The following ZBTB46 variants were observed in gnomAD, a reference collection of about 807,000 sequenced individuals.
The protein encoded by ZBTB46 is zinc finger and BTB domain containing 46.
In ZBTB46, 8 loss-of-function variants were observed where a neutral mutation model predicts 44.1. The observed-to-expected ratio is 0.18, with a 90% confidence interval of 0.11 to 0.33. ZBTB46 has a LOEUF of 0.33. ZBTB46 is among the 10% of genes least tolerant of loss of function. The probability of loss-of-function intolerance (pLI) is 1.00; values close to 1 mark genes in which losing one functional copy is unlikely to be tolerated. For missense variants in ZBTB46, 651 were observed against 847.7 expected (o/e 0.77, Z 2.88); for synonymous variants, 409 against 382.3 (o/e 1.07, Z -0.81).
At chr20:63,766,422 G>C (rs1052063034) in intron 3 of ZBTB46, among the ~76,000 whole-genome samples, 10 of 151,294 alleles carry the variant, frequency 6.6e-5, no homozygotes, top group African/African-American at 2.4e-4. Flanking sequence ...CGCCATGTTG[G>C]CCAGGCTGGT....
At chr20:63,808,351 G>A (rs2092695550) in intron 1 of ZBTB46, among the ~76,000 whole-genome samples, 1 of 152,210 alleles carries the variant, frequency 6.6e-6, no homozygotes, top group African/African-American at 2.4e-5. Context: ...CTGAGCGCAG[G>A]GGAGGGCCCG....
At position 63,744,531 on chromosome 20, in the gene ZBTB46, C is replaced by CG. The variant is rs2092069958; in HGVS notation, c.*2398_*2399insC. The CG allele has an allele frequency of 6.6e-6, 1 of 152,162 alleles. No individual in the cohort carries two copies. 9.4% of individuals were successfully genotyped at this position (152,162 alleles called of 1,614,324 possible). On this transcript the variant is annotated 3_prime_UTR_variant, in exon 5 of 5. Transcript: ENST00000245663. ...ATGTAATCTACACATTTTTCCTCTT[C>CG]ATAAAAAAATATTTATTAGTTTGAA...
At chr20:63,786,738 C>T (rs1404310339) in intron 2 of ZBTB46, among the ~76,000 whole-genome samples, 1 of 152,134 alleles carries the variant, frequency 6.6e-6, no homozygotes, top group East Asian at 1.9e-4. Context: ...TCTCGATCTC[C>T]TGACCTTGTG....
chr20:63,803,628 C>T lies in ZBTB46; in HGVS notation c.-33-12838G>A. ...GCCCCGCCCCTCCCTGCCCACTGGC[C>T]CCTTTCAGTTCCTTCATCTCCAGCC... On this transcript the variant is annotated intron_variant, in intron 1 of 4. Transcript: ENST00000245663. This position sits in a 1 kb window ranked among gnomAD's most constrained non-coding sequence, Gnocchi z 4.0. 2 of 602,434 alleles carry T rather than the reference C, an allele frequency of 3.3e-6. No homozygotes were observed. The highest frequency in any genetic ancestry group is 4.2e-6 in the Non-Finnish European group (2 of 480,266). The allele number at this position is 602,434 out of a possible 1,614,324, so 37.3% of individuals were successfully genotyped here. A position where few individuals can be genotyped will look rare whatever the true frequency, so the allele number is the denominator to read the frequency against.
chr20:63,815,944 ACAGTGGGCACAGGTG>A (rs1245756065), intron 1 of ZBTB46, among the ~76,000 whole-genome samples: 19 of 93,392 alleles, frequency 2.0e-4, no homozygotes, highest in Non-Finnish European at 1.6e-4. Flanking sequence ...GGGTGCAGGT[ACAGTGGGCACAGGTG>A]CAGTGGGTGC....
chr20:63,823,415 T>C (rs1414476593), intron 1 of ZBTB46, among the ~76,000 whole-genome samples: 1 of 151,434 alleles, frequency 6.6e-6, no homozygotes, highest in Non-Finnish European at 1.5e-5. Flanking sequence ...CAAGAATCAC[T>C]TGAGCCCAGG....
Position 63,787,039 on chromosome 20 carries a change from T to C in ZBTB46, c.937+2782A>G, listed in dbSNP as rs937852708. ...AGATGAGAATGAATAAAATCTACAT[T>C]GTGTCAAAGTAGAACAGCATTTACC... On this transcript the variant is annotated intron_variant, in intron 2 of 4. Transcript: ENST00000245663. This position sits in a 1 kb window ranked among gnomAD's most constrained non-coding sequence, Gnocchi z 4.6. Among the ~76,000 whole-genome samples the C allele has an allele frequency of 1.3e-5, 2 of 152,098 alleles. No homozygotes were observed. The highest frequency in any genetic ancestry group is 2.9e-5 in the Non-Finnish European group (2 of 68,016).
intron 3 of ZBTB46, among the ~76,000 whole-genome samples, chr20:63,753,286 G>C (rs966580770): frequency 6.6e-6 from 1 of 152,174 alleles, no homozygotes; most frequent in Admixed American, 6.5e-5. Flanking sequence ...AGGCAGAGAA[G>C]AAACAAACAC....
At chr20:63,810,889 T>C (rs2092713824) in intron 1 of ZBTB46, among the ~76,000 whole-genome samples, 1 of 152,196 alleles carries the variant, frequency 6.6e-6, no homozygotes, top group African/African-American at 2.4e-5. Flanking sequence ...CGTTTCTCTT[T>C]CCTCACTCCT....
At chr20:63,815,182 C>CCAGGTGCAGTGGGCG (rs1454773620) in intron 1 of ZBTB46, 1 of 215,702 alleles carries the variant, frequency 4.6e-6, no homozygotes. Context: ...TGCAGTGGGC[C>CCAGGTGCAGTGGGCG]CAGGTGCAGT....
chr20:63,806,586 C>T (rs566972359), intron 1 of ZBTB46, among the ~76,000 whole-genome samples: 3 of 152,192 alleles, frequency 2.0e-5, no homozygotes, highest in Non-Finnish European at 2.9e-5. Flanking sequence ...AAAGGCAACA[C>T]TATGCTCTCA....
chr20:63,801,363 T>C (rs2092643240), intron 1 of ZBTB46, among the ~76,000 whole-genome samples: 1 of 152,160 alleles, frequency 6.6e-6, no homozygotes. Context: ...TCAAGGATTG[T>C]CAACGCACCA....
intron 1 of ZBTB46, among the ~76,000 whole-genome samples, chr20:63,823,261 G>A (rs2092802371): frequency 1.3e-5 from 2 of 152,054 alleles, no homozygotes; most frequent in African/African-American, 4.8e-5. Context: ...TTCCAGGTGG[G>A]CAGATGGGGG....
At chr20:63,772,489 C>T (rs1394777062) in intron 3 of ZBTB46, among the ~76,000 whole-genome samples, 1 of 151,966 alleles carries the variant, frequency 6.6e-6, no homozygotes, top group African/African-American at 2.4e-5. Context: ...GAGGCTGAGG[C>T]AGGCAGATCG....
chr20:63,806,407 C>CAAAAAAAAAAAAAAAAAAAA (rs58233169), intron 1 of ZBTB46, among the ~76,000 whole-genome samples: 1 of 91,454 alleles, frequency 1.1e-5, no homozygotes, highest in African/African-American at 4.0e-5. Context: ...AACTCCATCT[C>CAAAAAAAAAAAAAAAAAAAA]AAAAAAAAAA....
chr20:63,790,840 G>A (rs892167300), intron 1 of ZBTB46, 50 bp from the exon 2 acceptor site: 45 of 1,463,828 alleles, frequency 3.1e-5, no homozygotes, highest in South Asian at 9.8e-5. Flanking sequence ...GACAGAGGCC[G>A]TGAGAGGACG....
At chr20:63,751,858 C>G (rs912276550) in intron 4 of ZBTB46, among the ~76,000 whole-genome samples, 2 of 151,726 alleles carry the variant, frequency 1.3e-5, no homozygotes, top group African/African-American at 2.4e-5. Context: ...GCCCCGCCCC[C>G]CGGTGGGTCT....
At chr20:63,790,864 A>G in intron 1 of ZBTB46, 74 bp from the exon 2 acceptor site, 1 of 1,448,840 alleles carries the variant, frequency 6.9e-7, no homozygotes, top group Non-Finnish European at 9.1e-7. Context: ...GGCGGGGCGC[A>G]GGAGGGCCAT....
At chr20:63,825,608 G>A (rs1057074261) in intron 1 of ZBTB46, among the ~76,000 whole-genome samples, 3 of 152,060 alleles carry the variant, frequency 2.0e-5, no homozygotes, top group Non-Finnish European at 4.4e-5. Flanking sequence ...TCTGCAAAGC[G>A]GCTGGCTATG....
Sources: gnomAD v4.1 joint callset for allele counts (sites outside exome capture counted in the v4.1 genomes callset) on GRCh38, gnomAD v4.1.1 for gene constraint, Gnocchi (gnomAD v3.1) non-coding constraint, MANE v1.5 for transcripts, NCBI Gene and HGNC (gene_info 2026-07-23, HGNC 2026-07-21) for gene names.